Variants in DYNC2H1 observed in about 807,000 individuals in gnomAD.
The protein encoded by DYNC2H1 is cytoplasmic dynein 2 heavy chain 1.
A neutral mutation model predicts 570.0 loss-of-function variants in DYNC2H1; 410 were observed. The ratio of observed to expected loss-of-function variants is 0.72; its 90% CI spans 0.66 to 0.78. The LOEUF (loss-of-function observed/expected upper bound fraction) is 0.78, where lower values mean the gene tolerates loss of function less well. DYNC2H1 is among the 30% of genes least tolerant of loss of function. The pLI, the probability that DYNC2H1 is intolerant of heterozygous loss-of-function variation, is 0.00. For missense variants in DYNC2H1, 4,865 were observed against 5,046.4 expected, an observed-to-expected ratio of 0.96 and a Z score of 1.09; for synonymous variants, 1,688 against 1,677.6, an observed-to-expected ratio of 1.01 and a Z score of -0.15.
At chr11:103,320,904 G>A in intron 80 of DYNC2H1, 125 bp from the exon 81 acceptor site, 1 of 744,386 alleles carries the variant, frequency 1.3e-6, no homozygotes, top group South Asian at 2.1e-5. Flanking sequence ...ACTATTAATA[G>A]TCATTTGAAT....
intron 31 of DYNC2H1, among the ~76,000 whole-genome samples, chr11:103,167,845 G>C (rs1156529219): frequency 6.6e-6 from 1 of 152,062 alleles, no homozygotes; most frequent in African/African-American, 2.4e-5. Context: ...TATGGTTCTG[G>C]TGTCAGTCTG....
chr11:103,244,059 CAATT>C lies in DYNC2H1; in HGVS notation c.9918+271_9918+274del, dbSNP rs1402025650. On this transcript the variant is annotated intron_variant, in intron 64 of 88. Transcript: ENST00000375735. The surrounding 1 kb of genome is among the most constrained non-coding windows in gnomAD (Gnocchi z 4.3). ...ATGACAGTCTAGTAGGTTAGAGAAA[CAATT>C]AAAGAAGCTTTGCACTACGTTATGA... 7.9e-5 allele frequency among the ~76,000 whole-genome samples: 12 copies of C among 152,102 alleles called. No individual in the cohort carries two copies. Among genetic ancestry groups the C allele is most frequent in the Non-Finnish European group, 1.8e-4 (12 of 67,986 alleles).
Position 103,303,170 on chromosome 11 carries a change from A to C in DYNC2H1, c.11173A>C (p.Ile3725Leu). ...GACACTGGAAATTGAACCCATCTTG[A>C]TAATTATTTCTCCGGGTGCTGATCC... ...KETLEIEPIL[I>L]IISPGADPSQ... is the part of the protein sequence containing the mutation. The change falls in exon 76 of 89, where the codon ATA becomes CTA. Residue 3725 changes from isoleucine to leucine, a missense_variant. Transcript: ENST00000375735. 2 of 1,612,624 alleles carry C rather than the reference A, an allele frequency of 1.2e-6. No individual in the cohort carries two copies. The highest frequency in any genetic ancestry group is 2.2e-5 in the South Asian group (2 of 90,938).
intron 82 of DYNC2H1, among the ~76,000 whole-genome samples, chr11:103,340,419 A>ACT (rs5794226): frequency 2.3e-3 from 1 of 426 alleles, no homozygotes; most frequent in Admixed American, 0.056. Context: ...TCAATATTTT[A>ACT]GTTACGTCAT....
chr11:103,385,498 C>A (rs947385183), intron 83 of DYNC2H1, among the ~76,000 whole-genome samples: 3 of 152,082 alleles, frequency 2.0e-5, no homozygotes, highest in African/African-American at 7.2e-5. Flanking sequence ...TATGACTCTT[C>A]ATCTACCATA....
chr11:103,266,904 G>A (rs906042599), intron 70 of DYNC2H1, among the ~76,000 whole-genome samples: 8 of 152,194 alleles, frequency 5.3e-5, no homozygotes, highest in Non-Finnish European at 4.4e-5. Context: ...GCAGAGTTCA[G>A]GACAAACAGT....
In DYNC2H1 at chr11:103,455,190, G is replaced by A; in HGVS notation, c.12461G>A (p.Trp4154Ter). The change falls in exon 86 of 89, where the codon TGG (tryptophan) becomes TAG (stop). Residue 4154 changes from tryptophan (W) to a stop codon, truncating the protein, a stop_gained. Coordinates refer to ENST00000375735, the MANE Select transcript of DYNC2H1 (RefSeq NM_001377.3). LOFTEE classifies it high-confidence loss of function. The stretch of plus-strand genomic sequence containing the variant: ...TTCATATTTCCCCCCCTCTAGAACT[G>A]GGTAGATAAAGCTGAAAAACAGGCT... The part of the protein sequence containing the change: ...LVARALAIQN[W>*]VDKAEKQALL... 1 of 1,612,240 alleles carries A rather than the reference G, an allele frequency of 6.2e-7. No homozygotes were observed.
intron 75 of DYNC2H1, among the ~76,000 whole-genome samples, chr11:103,290,645 T>C (rs1435254609): frequency 6.6e-6 from 1 of 152,146 alleles, no homozygotes; most frequent in Non-Finnish European, 1.5e-5. Context: ...TGTCTTTGTC[T>C]CAATCTTGCA....
intron 54 of DYNC2H1, among the ~76,000 whole-genome samples, chr11:103,213,896 A>G (rs974785392): frequency 1.3e-5 from 2 of 152,096 alleles, no homozygotes; most frequent in African/African-American, 4.8e-5. Context: ...ACCATAAAAT[A>G]TTTGCCTAAA....
In DYNC2H1 at chr11:103,133,784, C is replaced by T. The variant is rs1859393125; in HGVS notation, c.2106+77C>T. 7.2e-7 allele frequency: 1 copy of T among 1,390,688 alleles called. No homozygotes were observed. Among genetic ancestry groups the T allele is most frequent in the Non-Finnish European group, 9.6e-7 (1 of 1,041,440 alleles). 86.1% of individuals were successfully genotyped at this position (1,390,688 alleles called of 1,614,324 possible). A position where few individuals can be genotyped will look rare whatever the true frequency, so the allele number is the denominator to read the frequency against. ...GTCATTAAGATACAATTTTTAAAAA[C>T]TTATTTTGAAATAATTTGAGACTTA... On this transcript the variant is annotated intron_variant, in intron 14 of 88. Transcript: ENST00000375735. The surrounding 1 kb of genome is among the most constrained non-coding windows in gnomAD (Gnocchi z 4.8).
chr11:103,112,320 G>C (rs2134678008), intron 1 of DYNC2H1, among the ~76,000 whole-genome samples: 1 of 152,320 alleles, frequency 6.6e-6, no homozygotes, highest in South Asian at 2.1e-4. Flanking sequence ...GATCATTTAG[G>C]ACACTGTATA....
chr11:103,448,034 GGCAGGTCACTT>G (rs1162691985), intron 85 of DYNC2H1, among the ~76,000 whole-genome samples: 1 of 152,044 alleles, frequency 6.6e-6, no homozygotes, highest in African/African-American at 2.4e-5. Context: ...ATTAACAAGT[GGCAGGTCACTT>G]TTAGCATTTG....
At position 103,363,367 on chromosome 11, in the gene DYNC2H1, G is replaced by C. The variant is rs7119156; in HGVS notation, c.12156+5008G>C. Among the ~76,000 whole-genome samples, 3 of 152,058 alleles carry C rather than the reference G, an allele frequency of 2.0e-5. No homozygotes were observed. Among genetic ancestry groups the C allele is most frequent in the Non-Finnish European group, 4.4e-5 (3 of 68,006 alleles). On this transcript the variant is annotated intron_variant, in intron 83 of 88. Transcript: ENST00000375735. This position sits in a 1 kb window ranked among gnomAD's most constrained non-coding sequence, Gnocchi z 5.6. Reference sequence around the variant, plus strand: ...AGTGAGCTGGAGAGGAGATCTACTAGTGTGTTATTTCAACTGAGAGAGAAT... The same window carrying C: ...AGTGAGCTGGAGAGGAGATCTACTACTGTGTTATTTCAACTGAGAGAGAAT...
intron 82 of DYNC2H1, among the ~76,000 whole-genome samples, chr11:103,349,578 T>C (rs1248982169): frequency 6.6e-6 from 1 of 152,172 alleles, no homozygotes; most frequent in Non-Finnish European, 1.5e-5. Flanking sequence ...ATGTGATTTA[T>C]AATGAAGTGT....
At chr11:103,110,358 A>G (rs1423260513) in intron 1 of DYNC2H1, among the ~76,000 whole-genome samples, 2 of 152,136 alleles carry the variant, frequency 1.3e-5, no homozygotes, top group Non-Finnish European at 2.9e-5. Context: ...ATAACTAAAA[A>G]GAAAACATTT....
At chr11:103,474,113 G>T in intron 88 of DYNC2H1, 1 of 228,288 alleles carries the variant, frequency 4.4e-6, no homozygotes, top group Non-Finnish European at 9.7e-6. Context: ...AAGTAATGAT[G>T]TTATCACTAT....
intron 31 of DYNC2H1, among the ~76,000 whole-genome samples, chr11:103,166,445 T>C (rs1158541036): frequency 6.6e-6 from 1 of 152,166 alleles, no homozygotes; most frequent in Non-Finnish European, 1.5e-5. Flanking sequence ...TTCCTGATGT[T>C]CCAGGTTTCC....
chr11:103,260,509 A>T (rs2135274769), intron 70 of DYNC2H1, among the ~76,000 whole-genome samples: 1 of 152,240 alleles, frequency 6.6e-6, no homozygotes, highest in African/African-American at 2.4e-5. Flanking sequence ...GAGTTATGAA[A>T]TTTTTTACAG....
chr11:103,354,961 T>C (rs891537593), intron 82 of DYNC2H1, among the ~76,000 whole-genome samples: 1 of 152,104 alleles, frequency 6.6e-6, no homozygotes, highest in Admixed American at 6.5e-5. Flanking sequence ...TTTTTAAAAA[T>C]TGCCTCTGTC....
Sources: gnomAD v4.1 joint callset for allele counts (sites outside exome capture counted in the v4.1 genomes callset) on GRCh38, gnomAD v4.1.1 for gene constraint, Gnocchi (gnomAD v3.1) non-coding constraint, MANE v1.5 for transcripts, NCBI Gene and HGNC (gene_info 2026-07-23, HGNC 2026-07-21) for gene names.